ST7: variants seen among roughly 807,000 people sequenced by gnomAD.
ST7 encodes suppressor of tumorigenicity 7 protein.
A neutral mutation model predicts 78.7 loss-of-function variants in ST7; 28 were observed. That is an observed-to-expected ratio of 0.36 (90% CI 0.26 to 0.49). The LOEUF is 0.49. Ranked by LOEUF, ST7 falls within the 20% of genes least tolerant of loss-of-function variation. ST7 has a pLI of 0.99. For synonymous variants in ST7, 247 were observed against 249.6 expected (o/e 0.99, Z 0.10); for missense variants, 418 against 696.0 (o/e 0.60, Z 4.49).
intron 1 of ST7, among the ~76,000 whole-genome samples, chr7:116,981,947 T>C (rs1478433695): frequency 2.6e-5 from 4 of 152,226 alleles, no homozygotes; most frequent in Non-Finnish European, 1.5e-5. Flanking sequence ...AATCATTAGG[T>C]GATAGGAATC....
At chr7:116,976,026 C>T (rs1422092587) in intron 1 of ST7, among the ~76,000 whole-genome samples, 3 of 151,730 alleles carry the variant, frequency 2.0e-5, no homozygotes, top group South Asian at 2.1e-4. Flanking sequence ...TTTGGGAGGC[C>T]GAGGCAGGCA....
At chr7:117,163,948 A>G (rs73211920) in intron 9 of ST7, among the ~76,000 whole-genome samples, 17,297 of 152,168 alleles carry the variant, frequency 0.11, 1,092 homozygotes, top group Non-Finnish European at 0.15. Context: ...TTTGGAAGCA[A>G]TCTACAGTTT....
chr7:116,978,932 G>A lies in ST7; in HGVS notation c.151+25241G>A, dbSNP rs947972648. On this transcript the variant is annotated intron_variant, in intron 1 of 15. Transcript: ENST00000323984. ...GCAACTGAAGAAAATTTAATAAAAG[G>A]CTATTTACAGAGGTATTGGCAGGAT... Among the ~76,000 whole-genome samples, 6 of 152,194 alleles carry A rather than the reference G, an allele frequency of 3.9e-5. No individual in the cohort carries two copies. In the East Asian group the frequency reaches 1.2e-3, roughly 29 times the overall value.
intron 1 of ST7, among the ~76,000 whole-genome samples, chr7:117,000,303 A>G (rs574486175): frequency 6.6e-6 from 1 of 152,216 alleles, no homozygotes; most frequent in African/African-American, 2.4e-5. Context: ...ACTTTCTGCA[A>G]TAATGGAAAT....
intron 1 of ST7, among the ~76,000 whole-genome samples, chr7:117,071,089 G>T (rs1300867270): frequency 6.6e-6 from 1 of 151,872 alleles, no homozygotes; most frequent in Non-Finnish European, 1.5e-5. Context: ...CGTGGTGGCG[G>T]GCGCCTGTAG....
chr7:116,976,265 C>T (rs973759738), intron 1 of ST7, among the ~76,000 whole-genome samples: 2 of 151,932 alleles, frequency 1.3e-5, no homozygotes, highest in Non-Finnish European at 2.9e-5. Context: ...CTCTCTCAAA[C>T]AACAACAATA....
intron 9 of ST7, among the ~76,000 whole-genome samples, chr7:117,161,589 T>TTC (rs1807152680): frequency 1.2e-5 from 1 of 85,670 alleles, no homozygotes. Context: ...TTTTCTTTCT[T>TTC]TCTTTTTTTT....
At chr7:117,163,858 T>G (rs1052736082) in intron 9 of ST7, among the ~76,000 whole-genome samples, 1 of 152,184 alleles carries the variant, frequency 6.6e-6, no homozygotes, top group Non-Finnish European at 1.5e-5. Flanking sequence ...CATAAAATAT[T>G]TTCCCAGACC....
intron 1 of ST7, among the ~76,000 whole-genome samples, chr7:117,081,966 G>C (rs556505594): frequency 5.9e-5 from 9 of 152,138 alleles, no homozygotes; most frequent in African/African-American, 2.2e-4. Context: ...GTCTGAAATG[G>C]GTAGGGTGGG....
chr7:117,122,954 G>C (rs1584724702), intron 3 of ST7, among the ~76,000 whole-genome samples: 1 of 152,134 alleles, frequency 6.6e-6, no homozygotes, highest in East Asian at 1.9e-4. Context: ...AAGGTCCAAA[G>C]CTGAGGGTTA....
At chr7:117,213,650 A>C (rs1228283860) in intron 13 of ST7, among the ~76,000 whole-genome samples, 1 of 152,160 alleles carries the variant, frequency 6.6e-6, no homozygotes, top group Non-Finnish European at 1.5e-5. Flanking sequence ...TTAAAAAAAA[A>C]AACAAAACTG....
rs188953943 is a variant in ST7, at chr7:117,139,914, G to A, written c.963+1382G>A. Reference sequence around the variant, plus strand: ...TGCCAGTCACTTTGGCTCTGAAGGAGCTGGGTGTTTTATGAAGGATGAGGT... The same window carrying A: ...TGCCAGTCACTTTGGCTCTGAAGGAACTGGGTGTTTTATGAAGGATGAGGT... On this transcript the variant is annotated intron_variant, in intron 9 of 15. Coordinates refer to ENST00000323984, the MANE Select transcript of ST7 (RefSeq NM_001369598.1). Among the ~76,000 whole-genome samples, 534 of 152,290 alleles carry A rather than the reference G, an allele frequency of 3.5e-3. 4 individuals carry two copies. Among genetic ancestry groups the A allele is most frequent in the African/African-American group, 0.012 (513 of 41,560 alleles).
At chr7:117,046,238 C>T (rs957365266) in intron 1 of ST7, among the ~76,000 whole-genome samples, 2 of 152,046 alleles carry the variant, frequency 1.3e-5, no homozygotes, top group Non-Finnish European at 2.9e-5. Flanking sequence ...GTTTCTTTCC[C>T]GCAGCATATA....
chr7:117,098,102 G>A lies in ST7; in HGVS notation c.152-1660G>A, dbSNP rs191008038. 2.6e-3 allele frequency among the ~76,000 whole-genome samples: 391 copies of A among 150,952 alleles called. 1 individual carries two copies. The highest frequency in any genetic ancestry group is 8.7e-3 in the African/African-American group (358 of 41,114). On this transcript the variant is annotated intron_variant, in intron 1 of 15. Coordinates refer to ENST00000323984, the MANE Select transcript of ST7 (RefSeq NM_001369598.1). ...GTTAGTCCAGTCTCTTGTGATTGCA[G>A]ATGAAATACCACAGGTCAAACAAAT... is the stretch of plus-strand genomic sequence containing the variant.
rs187291865 is a variant in ST7 at position 117,178,446 on chromosome 7, C to G, written c.1078+7470C>G. On this transcript the variant is annotated intron_variant, in intron 10 of 15. Transcript: ENST00000323984. ...GCCCTTGAGAGCAAACTCATGCCCC[C>G]CTACTTTCATCTCAACCTCTGTGTA... Among the ~76,000 whole-genome samples the G allele has an allele frequency of 1.8e-4, 28 of 152,262 alleles. No homozygotes were observed. In the Middle Eastern group the frequency reaches 0.014, roughly 74 times the overall value.
chr7:117,113,229 C>G (rs1015968090), intron 2 of ST7, among the ~76,000 whole-genome samples: 12 of 152,186 alleles, frequency 7.9e-5, no homozygotes, highest in African/African-American at 2.9e-4. Flanking sequence ...GACTTACCTA[C>G]GAAACTTTGC....
At chr7:117,111,031 C>T (rs1243551702) in intron 2 of ST7, among the ~76,000 whole-genome samples, 1 of 152,178 alleles carries the variant, frequency 6.6e-6, no homozygotes, top group Non-Finnish European at 1.5e-5. Flanking sequence ...GTAGTGAGAG[C>T]TAAATAACTA....
intron 1 of ST7, among the ~76,000 whole-genome samples, chr7:117,021,610 G>GA (rs2116038574): frequency 6.6e-6 from 1 of 152,292 alleles, no homozygotes; most frequent in South Asian, 2.1e-4. Context: ...CAGTGTGACT[G>GA]TTTGTGCATA....
intron 1 of ST7, among the ~76,000 whole-genome samples, chr7:116,963,632 CTTTTTTTTT>C (rs1026576295): frequency 2.2e-5 from 3 of 135,834 alleles, no homozygotes; most frequent in Admixed American, 1.5e-4. Context: ...TCTTTTTTTT[CTTTTTTTTT>C]TTTTTTTGGA....
Sources: allele counts gnomAD v4.1 joint callset (sites outside exome capture counted in the v4.1 genomes callset), GRCh38; gene constraint gnomAD v4.1.1; transcripts MANE v1.5; gene names NCBI Gene and HGNC (gene_info 2026-07-23, HGNC 2026-07-21).